AUTS2: variants seen among roughly 807,000 people sequenced by gnomAD.
AUTS2 encodes the protein activator of transcription and developmental regulator AUTS2, also known as autism susceptibility gene 2 protein.
A neutral mutation model predicts 112.4 loss-of-function variants in AUTS2; 17 were observed. The observed-to-expected ratio is 0.15, with a 90% CI of 0.10 to 0.23. The LOEUF is 0.23. Among genes scored for constraint, AUTS2 ranks in the 10% least tolerant of loss-of-function variants. AUTS2 has a pLI of 1.00. For missense variants in AUTS2, 1,510 were observed against 1,701.6 expected, an observed-to-expected ratio of 0.89 and a Z score of 1.98; for synonymous variants, 751 against 702.7, an observed-to-expected ratio of 1.07 and a Z score of -1.09.
chr7:70,318,044 T>C (rs1156314558), intron 4 of AUTS2, among the ~76,000 whole-genome samples: 1 of 152,194 alleles, frequency 6.6e-6, no homozygotes, highest in African/African-American at 2.4e-5. Context: ...ATGGCTCTTA[T>C]TCACTGCGGC....
At chr7:70,677,260 A>T (rs1327526940) in intron 5 of AUTS2, among the ~76,000 whole-genome samples, 2 of 152,114 alleles carry the variant, frequency 1.3e-5, no homozygotes, top group Non-Finnish European at 1.5e-5. Context: ...ACATTCCCTC[A>T]TCTCTTTGCA....
At chr7:70,339,401 T>G (rs1791153054) in intron 4 of AUTS2, among the ~76,000 whole-genome samples, 1 of 152,246 alleles carries the variant, frequency 6.6e-6, no homozygotes, top group African/African-American at 2.4e-5. Flanking sequence ...TGCTAATTTA[T>G]TCAACACAGA....
chr7:70,412,115 G>T (rs1794805313), intron 4 of AUTS2, among the ~76,000 whole-genome samples: 2 of 151,828 alleles, frequency 1.3e-5, no homozygotes, highest in Admixed American at 1.3e-4. Flanking sequence ...GACTGGTCTT[G>T]AACTCCTGAC....
chr7:69,756,287 C>T (rs979047041), intron 1 of AUTS2, among the ~76,000 whole-genome samples: 1 of 152,182 alleles, frequency 6.6e-6, no homozygotes, highest in Non-Finnish European at 1.5e-5. Flanking sequence ...AAAGAAATGC[C>T]TACAGACAGG....
chr7:69,617,986 C>T (rs1389404627), intron 1 of AUTS2, among the ~76,000 whole-genome samples: 1 of 152,114 alleles, frequency 6.6e-6, no homozygotes, highest in Admixed American at 6.6e-5. Context: ...GTTTGTTGTA[C>T]CCAGAGCTTT....
At chr7:69,813,461 G>C (rs990130430) in intron 1 of AUTS2, among the ~76,000 whole-genome samples, 5 of 152,166 alleles carry the variant, frequency 3.3e-5, no homozygotes, top group Non-Finnish European at 7.3e-5. Context: ...TGCTGGGTTT[G>C]CCTGCCCCCC....
chr7:70,326,948 C>T (rs1198617928), intron 4 of AUTS2, among the ~76,000 whole-genome samples: 7 of 89,268 alleles, frequency 7.8e-5, no homozygotes, highest in East Asian at 6.9e-4. Context: ...GACGGAATTT[C>T]GCTCTGTCGC....
intron 2 of AUTS2, among the ~76,000 whole-genome samples, chr7:70,028,799 T>A (rs1465714539): frequency 1.3e-5 from 2 of 152,128 alleles, no homozygotes. Context: ...ATAACCTACT[T>A]CCCCTTTCAC....
intron 5 of AUTS2, among the ~76,000 whole-genome samples, chr7:70,632,161 A>G (rs77210150): frequency 0.017 from 2,511 of 152,058 alleles, 32 homozygotes; most frequent in Admixed American, 0.027. Context: ...GGCTCCAGAG[A>G]TCCTGGACAG....
intron 2 of AUTS2, among the ~76,000 whole-genome samples, chr7:69,910,045 T>C (rs1199738563): frequency 6.6e-6 from 1 of 152,204 alleles, no homozygotes; most frequent in Non-Finnish European, 1.5e-5. Context: ...TGGTACTTTG[T>C]GAAACTTCAG....
At chr7:69,727,692 C>CT (rs1263739566) in intron 1 of AUTS2, among the ~76,000 whole-genome samples, 35 of 152,198 alleles carry the variant, frequency 2.3e-4, no homozygotes, top group African/African-American at 8.0e-4. Flanking sequence ...ATTTATTTGT[C>CT]TGTCATCCCA....
chr7:69,980,936 A>G (rs1485012440), intron 2 of AUTS2, among the ~76,000 whole-genome samples: 1 of 152,236 alleles, frequency 6.6e-6, no homozygotes, highest in Non-Finnish European at 1.5e-5. Flanking sequence ...ACAGTTGTCT[A>G]TGAGGCTTAT....
intron 4 of AUTS2, chr7:70,290,528 T>A: frequency 1.3e-6 from 2 of 1,531,742 alleles, no homozygotes; most frequent in Non-Finnish European, 1.8e-6. Flanking sequence ...GTGTGGTCAC[T>A]CACATTTGAA....
At chr7:70,090,430 C>T (rs1446212069) in intron 2 of AUTS2, among the ~76,000 whole-genome samples, 1 of 151,984 alleles carries the variant, frequency 6.6e-6, no homozygotes, top group Non-Finnish European at 1.5e-5. Flanking sequence ...GTGGCACAAT[C>T]TCAGCTCACT....
chr7:70,227,428 G>C (rs775933104), intron 4 of AUTS2, among the ~76,000 whole-genome samples: 4 of 151,886 alleles, frequency 2.6e-5, no homozygotes, highest in African/African-American at 4.8e-5. Flanking sequence ...ATGAGTTTTA[G>C]TAAATTTGCA....
intron 4 of AUTS2, among the ~76,000 whole-genome samples, chr7:70,388,739 G>A (rs988189787): frequency 1.3e-5 from 2 of 152,170 alleles, no homozygotes; most frequent in African/African-American, 2.4e-5. Context: ...TGTATTCTGG[G>A]CAGTTTTAAT....
intron 2 of AUTS2, among the ~76,000 whole-genome samples, chr7:70,000,922 A>G (rs916458630): frequency 2.0e-5 from 3 of 152,198 alleles, no homozygotes; most frequent in African/African-American, 7.2e-5. Context: ...CGGGGCACCA[A>G]TTCCTGAGGA....
chr7:70,252,257 A>G (rs1240783778), intron 4 of AUTS2, among the ~76,000 whole-genome samples: 1 of 152,132 alleles, frequency 6.6e-6, no homozygotes, highest in Non-Finnish European at 1.5e-5. Context: ...AACAATGCAC[A>G]AGGGTTCTCA....
At chr7:70,501,944 T>C (rs974290126) in intron 5 of AUTS2, among the ~76,000 whole-genome samples, 1 of 152,228 alleles carries the variant, frequency 6.6e-6, no homozygotes, top group East Asian at 1.9e-4. Context: ...CCTTCACTTC[T>C]GCTGTCAGCT....
Sources: gnomAD v4.1 joint callset for allele counts (sites outside exome capture counted in the v4.1 genomes callset) on GRCh38, gnomAD v4.1.1 for gene constraint, MANE v1.5 for transcripts, NCBI Gene and HGNC (gene_info 2026-07-23, HGNC 2026-07-21) for gene names.